ROBO2: variants seen among roughly 807,000 people sequenced by gnomAD.
ROBO2 encodes the protein roundabout homolog 2.
In ROBO2, 53 loss-of-function variants were observed where a neutral mutation model predicts 160.8. The ratio of observed to expected loss-of-function variants is 0.33; its 90% CI spans 0.26 to 0.41. The LOEUF (loss-of-function observed/expected upper bound fraction) is 0.41, where lower values mean the gene tolerates loss of function less well. Among genes scored for constraint, ROBO2 ranks in the 10% least tolerant of loss-of-function variants. ROBO2 has a pLI of 1.00. For synonymous variants in ROBO2, 664 were observed against 611.7 expected (o/e 1.09, Z -1.26); for missense variants, 1,577 against 1,722.4 (o/e 0.92, Z 1.49).
chr3:76,401,368 G>C (rs1576963292), intron 2 of ROBO2, among the ~76,000 whole-genome samples: 1 of 151,610 alleles, frequency 6.6e-6, no homozygotes, highest in East Asian at 1.9e-4. Context: ...GGTAAAGAAA[G>C]CTTGTGTTTA....
chr3:76,077,706 G>GT (rs2068688590), intron 2 of ROBO2, among the ~76,000 whole-genome samples: 1 of 151,992 alleles, frequency 6.6e-6, no homozygotes. Flanking sequence ...ACACATGTGG[G>GT]TATGAAAAAT....
intron 2 of ROBO2, among the ~76,000 whole-genome samples, chr3:76,352,089 T>A (rs550547659): frequency 2.6e-5 from 4 of 152,042 alleles, no homozygotes; most frequent in African/African-American, 9.7e-5. Context: ...ACAGAACTTA[T>A]GTGGATGAAG....
chr3:77,193,221 A>G (rs1471360529), intron 2 of ROBO2, among the ~76,000 whole-genome samples: 3 of 151,894 alleles, frequency 2.0e-5, no homozygotes, highest in Non-Finnish European at 4.4e-5. Context: ...ATAAAATTAC[A>G]TGGAAGGGAT....
chr3:77,639,527 T>C (rs2095316836), intron 24 of ROBO2, among the ~76,000 whole-genome samples: 1 of 152,088 alleles, frequency 6.6e-6, no homozygotes, highest in Non-Finnish European at 1.5e-5. Flanking sequence ...AGCAAAAAAG[T>C]AATGCTGATA....
intron 2 of ROBO2, among the ~76,000 whole-genome samples, chr3:77,143,409 T>G (rs1445064274): frequency 2.6e-5 from 4 of 151,972 alleles, no homozygotes; most frequent in Non-Finnish European, 5.9e-5. Flanking sequence ...TTGGCCAGGT[T>G]GTTCTTGAAC....
chr3:76,448,281 C>T (rs933462181), intron 2 of ROBO2, among the ~76,000 whole-genome samples: 2 of 151,982 alleles, frequency 1.3e-5, no homozygotes, highest in African/African-American at 4.8e-5. Flanking sequence ...ATGAGTTTGT[C>T]TTGAGAGAAC....
At chr3:76,996,482 T>A (rs973306416) in intron 2 of ROBO2, among the ~76,000 whole-genome samples, 56 of 152,316 alleles carry the variant, frequency 3.7e-4, no homozygotes, top group African/African-American at 1.3e-3. Flanking sequence ...TTTCCAATTC[T>A]GTGATGAAAG....
At position 77,589,062 on chromosome 3, in the gene ROBO2, A is replaced by G; in HGVS notation, c.2683+129A>G. The G allele has an allele frequency of 3.0e-6, 3 of 991,474 alleles. No homozygotes were observed. In the South Asian group the frequency reaches 4.1e-5, roughly 13 times the overall value. 61.4% of individuals were successfully genotyped at this position (991,474 alleles called of 1,614,324 possible). A position where few individuals can be genotyped will look rare whatever the true frequency, so the allele number is the denominator to read the frequency against. ...TTAGAAACCTGCACTGTAAAATGCAATTACACTCAACATGCTTTAATGCAT... is the reference window on the plus strand; with the variant it reads ...TTAGAAACCTGCACTGTAAAATGCAGTTACACTCAACATGCTTTAATGCAT... On this transcript the variant is annotated intron_variant, in intron 17 of 25. Coordinates refer to ENST00000461745, the Ensembl canonical transcript of ROBO2.
At chr3:77,015,667 T>C (rs1446632003) in intron 2 of ROBO2, among the ~76,000 whole-genome samples, 2 of 152,168 alleles carry the variant, frequency 1.3e-5, no homozygotes, top group African/African-American at 2.4e-5. Flanking sequence ...CAAACCCCAA[T>C]ATATACAAAT....
chr3:76,654,143 C>T (rs1234508191), intron 2 of ROBO2, among the ~76,000 whole-genome samples: 3 of 152,190 alleles, frequency 2.0e-5, no homozygotes, highest in East Asian at 1.9e-4. Context: ...GCTCATATTC[C>T]TCATTGAACC....
intron 2 of ROBO2, among the ~76,000 whole-genome samples, chr3:76,915,654 A>G (rs1442580508): frequency 7.1e-6 from 1 of 140,422 alleles, no homozygotes; most frequent in African/African-American, 2.7e-5. Context: ...TGGGTAACAG[A>G]GTGAAACTCT....
chr3:77,421,378 A>C (rs2077700509), intron 2 of ROBO2, among the ~76,000 whole-genome samples: 1 of 152,086 alleles, frequency 6.6e-6, no homozygotes, highest in South Asian at 2.1e-4. Context: ...ATCGTGTATA[A>C]CATTTTTTTT....
intron 2 of ROBO2, among the ~76,000 whole-genome samples, chr3:76,885,222 C>T (rs1448603735): frequency 6.6e-6 from 1 of 151,994 alleles, no homozygotes; most frequent in Admixed American, 6.6e-5. Context: ...ATTTTACTGT[C>T]CTCAATTTTT....
intron 2 of ROBO2, among the ~76,000 whole-genome samples, chr3:76,790,514 C>T (rs992251122): frequency 6.6e-6 from 1 of 151,602 alleles, no homozygotes; most frequent in South Asian, 2.1e-4. Flanking sequence ...TGTAATAAAT[C>T]AAAAATGTAT....
intron 5 of ROBO2, among the ~76,000 whole-genome samples, chr3:77,499,649 C>G: frequency 6.8e-6 from 1 of 146,510 alleles, no homozygotes; most frequent in East Asian, 2.0e-4. Flanking sequence ...GTATCACTTA[C>G]GCTTTTTTTT....
intron 2 of ROBO2, among the ~76,000 whole-genome samples, chr3:76,013,562 G>A (rs1305819659): frequency 1.3e-5 from 2 of 151,622 alleles, no homozygotes; most frequent in African/African-American, 4.8e-5. Context: ...ATGTATAAAG[G>A]CAATTGGCGA....
At chr3:76,755,467 T>A (rs2060917235) in intron 2 of ROBO2, among the ~76,000 whole-genome samples, 2 of 151,790 alleles carry the variant, frequency 1.3e-5, no homozygotes, top group African/African-American at 4.8e-5. Context: ...AGATTTTTGC[T>A]AGCAAGATTA....
At chr3:77,158,177 A>G (rs77457703) in intron 2 of ROBO2, among the ~76,000 whole-genome samples, 1,772 of 152,264 alleles carry the variant, frequency 0.012, 31 homozygotes, top group African/African-American at 0.04. Flanking sequence ...CAGTGCATGT[A>G]TTGGACACCA....
intron 2 of ROBO2, among the ~76,000 whole-genome samples, chr3:76,936,350 T>G (rs948983471): frequency 6.6e-6 from 1 of 152,196 alleles, no homozygotes; most frequent in Non-Finnish European, 1.5e-5. Flanking sequence ...GGTTTATTTA[T>G]TGTATATAAA....
Sources: allele counts gnomAD v4.1 joint callset (sites outside exome capture counted in the v4.1 genomes callset), GRCh38; gene constraint gnomAD v4.1.1; transcripts MANE v1.5; gene names NCBI Gene and HGNC (gene_info 2026-07-23, HGNC 2026-07-21).